IFT80: variants seen among roughly 807,000 people sequenced by gnomAD.
IFT80 encodes the protein intraflagellar transport protein 80 homolog.
A neutral mutation model predicts 107.9 loss-of-function variants in IFT80; 79 were observed. That is an observed-to-expected ratio of 0.73 (90% CI 0.61 to 0.88). The LOEUF is 0.88. Among genes scored for constraint, IFT80 ranks in the 40% least tolerant of loss-of-function variants. The pLI, the probability that IFT80 is intolerant of heterozygous loss-of-function variation, is 0.00. For synonymous variants in IFT80, 299 were observed against 300.9 expected (o/e 0.99, Z 0.07); for missense variants, 797 against 914.2 (o/e 0.87, Z 1.65).
rs752477929 is a variant in IFT80 at position 160,357,489 on chromosome 3, C to T, written c.639G>A (p.Lys213=). 2 of 1,439,566 alleles carry T rather than the reference C, an allele frequency of 1.4e-6. No homozygotes were observed. Among genetic ancestry groups the T allele is most frequent in the Non-Finnish European group, 2.0e-6 (2 of 1,023,418 alleles). 89.2% of individuals were successfully genotyped at this position (1,439,566 alleles called of 1,614,324 possible). A position where few individuals can be genotyped will look rare whatever the true frequency, so the allele number is the denominator to read the frequency against. Residue 213 remains lysine (K), a splice_region_variant and synonymous_variant, in exon 7 of 20, where the codon AAG becomes AAA. Coordinates refer to ENST00000326448, the MANE Select transcript of IFT80 (RefSeq NM_020800.3). ...ILSAGEDCKY[K]VWDSYGRPLY... ...AGTGATAAATCTAAACATTATATACCTTATATTTACAGTCTTCACCAGCAG... is the reference window on the plus strand; with the variant it reads ...AGTGATAAATCTAAACATTATATACTTTATATTTACAGTCTTCACCAGCAG...
intron 6 of IFT80, 87 bp downstream of exon 6, chr3:160,365,956 C>A: frequency 2.1e-6 from 2 of 948,628 alleles, no homozygotes; most frequent in South Asian, 1.3e-5. Context: ...AAAAGACCAC[C>A]CAGAAGAAAG....
chr3:160,266,576 A>G (rs2108206520), intron 19 of IFT80, among the ~76,000 whole-genome samples: 1 of 152,076 alleles, frequency 6.6e-6, no homozygotes, highest in Non-Finnish European at 1.5e-5. Context: ...TACAGATGGG[A>G]TCTCACTATG....
At position 160,384,193 on chromosome 3, in the gene IFT80, T is replaced by C. The variant is rs147014337; in HGVS notation, c.37+371A>G. 4.2e-3 allele frequency: 843 copies of C among 199,978 alleles called. 3 individuals carry two copies. The highest frequency in any genetic ancestry group is 6.3e-3 in the Non-Finnish European group (709 of 112,746). 12.4% of individuals were successfully genotyped at this position (199,978 alleles called of 1,614,324 possible). On this transcript the variant is annotated intron_variant, in intron 2 of 19. Transcript: ENST00000326448. The stretch of plus-strand genomic sequence containing the variant: ...CCAGGAGGTAGAGGGTTGCAGTGAG[T>C]TGAGATCACACCACTGTACTCCAGC...
chr3:160,285,632 T>C (rs965934210), intron 13 of IFT80, among the ~76,000 whole-genome samples, 172 bp downstream of exon 13: 4 of 152,340 alleles, frequency 2.6e-5, no homozygotes, highest in Non-Finnish European at 4.4e-5. Context: ...ACTTTACCAG[T>C]GCTTAGTCTT....
chr3:160,335,092 A>G lies in IFT80; in HGVS notation c.778-15153T>C, dbSNP rs567205231. Among the ~76,000 whole-genome samples, 18 of 152,032 alleles carry G rather than the reference A, an allele frequency of 1.2e-4. No homozygotes were observed. In the South Asian group the frequency reaches 3.5e-3, roughly 30 times the overall value. On this transcript the variant is annotated intron_variant, in intron 8 of 19. Coordinates refer to ENST00000326448, the MANE Select transcript of IFT80 (RefSeq NM_020800.3). ...CAAATCCAGGAACTATCGGATTTCT[A>G]CTTACCCTCACCAGTCTTACCCCAG...
At chr3:160,378,804 T>C (rs1033155854) in intron 3 of IFT80, among the ~76,000 whole-genome samples, 4 of 151,814 alleles carry the variant, frequency 2.6e-5, no homozygotes, top group African/African-American at 9.7e-5. Context: ...CAAATAAATA[T>C]ATGGGCATGG....
At chr3:160,302,711 T>C (rs1716534736) in intron 11 of IFT80, among the ~76,000 whole-genome samples, 2 of 152,254 alleles carry the variant, frequency 1.3e-5, no homozygotes, top group South Asian at 2.1e-4. Context: ...ATTTTTTAGA[T>C]AGCTGATATC....
At position 160,292,104 on chromosome 3, in the gene IFT80, C is replaced by G. The variant is rs539483588; in HGVS notation, c.1316-6236G>C. Reference sequence around the variant, plus strand: ...GAAACTTGGACTCATGCCAGTAGCCCTGGATGGCTACAAAAGGGTCCTGAC... The same window carrying G: ...GAAACTTGGACTCATGCCAGTAGCCGTGGATGGCTACAAAAGGGTCCTGAC... On this transcript the variant is annotated intron_variant, in intron 12 of 19. Transcript: ENST00000326448. Among the ~76,000 whole-genome samples, 18 of 152,282 alleles carry G rather than the reference C, an allele frequency of 1.2e-4. No individual in the cohort carries two copies. The South Asian group carries it at 3.5e-3, about 30-fold the overall frequency.
At position 160,380,695 on chromosome 3, in the gene IFT80, C is replaced by A. The variant is rs570475245; in HGVS notation, c.259+808G>T. 8.0e-5 allele frequency among the ~76,000 whole-genome samples: 12 copies of A among 150,202 alleles called. 1 individual carries two copies. The South Asian group carries it at 2.5e-3, about 31-fold the overall frequency. ...CTAAGAAAACAAATATAAAAACATACCCTTAAAAAGTGAAAAAAAAAATCA... is the reference window on the plus strand; with the variant it reads ...CTAAGAAAACAAATATAAAAACATAACCTTAAAAAGTGAAAAAAAAAATCA... On this transcript the variant is annotated intron_variant, in intron 3 of 19. Transcript: ENST00000326448.
At chr3:160,288,249 C>T (rs1715250085) in intron 12 of IFT80, among the ~76,000 whole-genome samples, 1 of 152,136 alleles carries the variant, frequency 6.6e-6, no homozygotes, top group South Asian at 2.1e-4. Context: ...AGGAGAATGG[C>T]GTGAACCCGG....
chr3:160,379,241 T>C (rs902815699), intron 3 of IFT80, among the ~76,000 whole-genome samples: 3 of 152,150 alleles, frequency 2.0e-5, no homozygotes, highest in African/African-American at 7.2e-5. Flanking sequence ...GCATATATTC[T>C]TCAACACTGT....
At chr3:160,267,840 T>C (rs1056229175) in intron 19 of IFT80, among the ~76,000 whole-genome samples, 2 of 152,214 alleles carry the variant, frequency 1.3e-5, no homozygotes, top group African/African-American at 4.8e-5. Context: ...TAGCTGGGAC[T>C]ACAGGCATGC....
chr3:160,272,983 T>C (rs140412461), intron 18 of IFT80, among the ~76,000 whole-genome samples: 11 of 152,196 alleles, frequency 7.2e-5, no homozygotes, highest in Non-Finnish European at 1.6e-4. Context: ...CGTCATTTTA[T>C]ACGAAGAACT....
intron 9 of IFT80, among the ~76,000 whole-genome samples, chr3:160,311,987 T>C (rs1400876506): frequency 6.6e-6 from 1 of 152,186 alleles, no homozygotes; most frequent in African/African-American, 2.4e-5. Flanking sequence ...TTCACCGTGT[T>C]AGCCAGGATG....
chr3:160,283,403 C>T lies in IFT80; in HGVS notation c.1381-790G>A, dbSNP rs1485534046. On this transcript the variant is annotated intron_variant, in intron 13 of 19. Coordinates refer to ENST00000326448, the MANE Select transcript of IFT80 (RefSeq NM_020800.3). ...CAGAATAATGACTACAACATCAAGT[C>T]ATTGTATCAAAATGTACTATAAAAA... Among the ~76,000 whole-genome samples, 3 of 152,126 alleles carry T rather than the reference C, an allele frequency of 2.0e-5. No homozygotes were observed. In the South Asian group the frequency reaches 6.2e-4, roughly 31 times the overall value.
At chr3:160,377,400 T>C (rs1712108859) in intron 4 of IFT80, 30 bp downstream of exon 4, 6 of 1,293,218 alleles carry the variant, frequency 4.6e-6, no homozygotes, top group Non-Finnish European at 6.8e-6. Context: ...AAAATATTCA[T>C]TTCAAATGTC....
chr3:160,321,576 T>G (rs1469735853), intron 8 of IFT80, among the ~76,000 whole-genome samples: 1 of 152,020 alleles, frequency 6.6e-6, no homozygotes, highest in Admixed American at 6.6e-5. Context: ...TATGTTTTTT[T>G]CTATATATAC....
intron 6 of IFT80, among the ~76,000 whole-genome samples, chr3:160,363,652 A>T (rs1048662898): frequency 1.3e-5 from 2 of 152,218 alleles, no homozygotes; most frequent in Non-Finnish European, 2.9e-5. Flanking sequence ...ACTGGTACCA[A>T]AACAGAGATA....
intron 8 of IFT80, among the ~76,000 whole-genome samples, chr3:160,329,002 G>A (rs1223049710): frequency 6.6e-6 from 1 of 152,086 alleles, no homozygotes; most frequent in Non-Finnish European, 1.5e-5. Flanking sequence ...GGAGGGTGGA[G>A]GGTGGGAGGG....
Sources: allele counts gnomAD v4.1 joint callset (sites outside exome capture counted in the v4.1 genomes callset), GRCh38; gene constraint gnomAD v4.1.1; transcripts MANE v1.5; gene names NCBI Gene and HGNC (gene_info 2026-07-23, HGNC 2026-07-21).